Variants in CNTN5 observed in about 807,000 individuals in gnomAD.
The protein encoded by CNTN5 is contactin-5.
A neutral mutation model predicts 129.1 loss-of-function variants in CNTN5; 77 were observed. That is an observed-to-expected ratio of 0.60 (90% CI 0.50 to 0.72). The LOEUF is 0.72. Ranked by LOEUF, CNTN5 falls within the 30% of genes least tolerant of loss-of-function variation. CNTN5 has a pLI of 0.00. For synonymous variants in CNTN5, 509 were observed against 465.6 expected (o/e 1.09, Z -1.20); for missense variants, 1,478 against 1,328.8 (o/e 1.11, Z -1.75).
Position 99,451,981 on chromosome 11 carries a change from C to T in CNTN5, c.-70-104164C>T, listed in dbSNP as rs564756288. 2.9e-3 allele frequency among the ~76,000 whole-genome samples: 437 copies of T among 152,114 alleles called. 2 individuals are homozygous for T. Among genetic ancestry groups the T allele is most frequent in the Non-Finnish European group, 5.3e-3 (357 of 67,982 alleles). ...ATTTATTTGTTCGCAGAAATTGCTC[C>T]GAAGTACAAATTGCTATGTGTTCAA... On this transcript the variant is annotated intron_variant, in intron 2 of 24. Coordinates refer to ENST00000524871, the MANE Select transcript of CNTN5 (RefSeq NM_014361.4).
intron 8 of CNTN5, among the ~76,000 whole-genome samples, chr11:99,963,684 A>T (rs1951014105): frequency 6.6e-6 from 1 of 152,142 alleles, no homozygotes; most frequent in Non-Finnish European, 1.5e-5. Context: ...GTTTTTTCCA[A>T]TTCTGTGAAG....
At chr11:100,144,022 C>G (rs1463111877) in intron 13 of CNTN5, among the ~76,000 whole-genome samples, 1 of 152,098 alleles carries the variant, frequency 6.6e-6, no homozygotes, top group African/African-American at 2.4e-5. Flanking sequence ...TGTAATGATT[C>G]TCTATAACAA....
chr11:99,583,288 G>A (rs915383127), intron 3 of CNTN5, among the ~76,000 whole-genome samples: 2 of 152,252 alleles, frequency 1.3e-5, no homozygotes, highest in Non-Finnish European at 2.9e-5. Context: ...CACTTGAGGA[G>A]GCTGTCTGCC....
At chr11:100,139,407 G>A (rs1946621720) in intron 13 of CNTN5, among the ~76,000 whole-genome samples, 2 of 152,128 alleles carry the variant, frequency 1.3e-5, no homozygotes, top group Non-Finnish European at 2.9e-5. Flanking sequence ...ATTTCAAGGA[G>A]AAGAAAAGAA....
chr11:99,356,867 G>A (rs1228925907), intron 2 of CNTN5, among the ~76,000 whole-genome samples: 1 of 152,042 alleles, frequency 6.6e-6, no homozygotes, highest in Non-Finnish European at 1.5e-5. Flanking sequence ...GAATTAAACT[G>A]GGCTTCTATT....
intron 1 of CNTN5, among the ~76,000 whole-genome samples, chr11:99,031,250 T>C (rs1418019605): frequency 1.3e-5 from 2 of 152,192 alleles, no homozygotes; most frequent in Non-Finnish European, 2.9e-5. Context: ...ATGGTAGCTT[T>C]TTTGGATTGG....
chr11:99,374,884 T>C (rs561290691), intron 2 of CNTN5, among the ~76,000 whole-genome samples: 1 of 152,076 alleles, frequency 6.6e-6, no homozygotes, highest in Non-Finnish European at 1.5e-5. Context: ...ACGGTGAAGG[T>C]TTTGATGGGC....
At chr11:99,448,871 G>A (rs1944185882) in intron 2 of CNTN5, among the ~76,000 whole-genome samples, 1 of 151,140 alleles carries the variant, frequency 6.6e-6, no homozygotes, top group Admixed American at 6.6e-5. Context: ...TCTGTCTCCT[G>A]CTGGACTCAA....
chr11:99,160,345 A>G (rs1035888706), intron 1 of CNTN5, among the ~76,000 whole-genome samples: 5 of 152,172 alleles, frequency 3.3e-5, no homozygotes, highest in African/African-American at 1.2e-4. Context: ...TGTTTAGTTT[A>G]GCATATACAT....
At chr11:99,261,818 T>C (rs1158175702) in intron 1 of CNTN5, among the ~76,000 whole-genome samples, 1 of 152,030 alleles carries the variant, frequency 6.6e-6, no homozygotes, top group South Asian at 2.1e-4. Context: ...GACACATTTG[T>C]GGCATAACTT....
intron 1 of CNTN5, among the ~76,000 whole-genome samples, chr11:99,116,655 G>C (rs1282619445): frequency 6.6e-6 from 1 of 152,122 alleles, no homozygotes. Context: ...TTATAGAGTA[G>C]AGGGACATGA....
At chr11:100,268,067 A>T (rs2138772665) in intron 17 of CNTN5, among the ~76,000 whole-genome samples, 1 of 152,282 alleles carries the variant, frequency 6.6e-6, no homozygotes, top group Middle Eastern at 3.4e-3. Context: ...TGACTGTAAG[A>T]TTTTTGACCT....
At chr11:99,658,647 G>GCTT (rs1300525677) in intron 3 of CNTN5, among the ~76,000 whole-genome samples, 30 of 148,536 alleles carry the variant, frequency 2.0e-4, no homozygotes, top group South Asian at 8.7e-4. Flanking sequence ...TGAGACAGGT[G>GCTT]GATCACCTGA....
At chr11:99,597,420 T>G in intron 3 of CNTN5, among the ~76,000 whole-genome samples, 1 of 152,130 alleles carries the variant, frequency 6.6e-6, no homozygotes, top group Non-Finnish European at 1.5e-5. Context: ...CTCCTTCCTA[T>G]TGCACGTTCT....
Position 100,340,636 on chromosome 11 carries a change from C to T in CNTN5, c.2904C>T (p.Thr968=), listed in dbSNP as rs778159452. Residue 968 remains threonine, a synonymous_variant, in exon 22 of 25, where the codon ACC becomes ACT. Transcript: ENST00000524871. ...YGPPSSEVSA[T]TKKSPPSQAP... is the part of the protein sequence containing the mutation. ...CACCTAGCAGTGAAGTGAGTGCAACCACCAAGAAATCCCGTAAGTGACCTG... is the reference window on the plus strand; with the variant it reads ...CACCTAGCAGTGAAGTGAGTGCAACTACCAAGAAATCCCGTAAGTGACCTG... The T allele has an allele frequency of 4.4e-6, 7 of 1,597,634 alleles. No homozygotes were observed. The African/African-American group carries it at 9.5e-5, about 22-fold the overall frequency.
At chr11:100,255,253 C>T (rs1325112769) in intron 16 of CNTN5, among the ~76,000 whole-genome samples, 2 of 152,198 alleles carry the variant, frequency 1.3e-5, no homozygotes, top group African/African-American at 4.8e-5. Flanking sequence ...TTTTGCACCT[C>T]CCCTGTTAGA....
chr11:99,853,675 C>T (rs114853585), intron 6 of CNTN5, among the ~76,000 whole-genome samples: 3,131 of 152,092 alleles, frequency 0.021, 93 homozygotes, highest in African/African-American at 0.071. Context: ...CCACTGCACC[C>T]GGCTTTATAT....
At chr11:99,807,977 G>A (rs992981744) in intron 3 of CNTN5, among the ~76,000 whole-genome samples, 3 of 152,134 alleles carry the variant, frequency 2.0e-5, no homozygotes, top group African/African-American at 7.2e-5. Flanking sequence ...TTCCCTAAGG[G>A]AAAGAATTAG....
intron 2 of CNTN5, among the ~76,000 whole-genome samples, chr11:99,373,674 C>T (rs1827659): frequency 0.63 from 90,622 of 144,370 alleles, 29,250 homozygotes; most frequent in African/African-American, 0.81. Flanking sequence ...GATAGCGCCA[C>T]TGCATTCCAG....
Sources: gnomAD v4.1 joint callset for allele counts (sites outside exome capture counted in the v4.1 genomes callset) on GRCh38, gnomAD v4.1.1 for gene constraint, MANE v1.5 for transcripts, NCBI Gene and HGNC (gene_info 2026-07-23, HGNC 2026-07-21) for gene names.